The following MPPE1 variants were observed in gnomAD, a reference collection of about 807,000 sequenced individuals.
MPPE1 encodes metallophosphoesterase 1, also known as metallo phosphoesterase.
Under a neutral mutation model 43.8 loss-of-function variants are expected in MPPE1, and 28 were observed. That is an observed-to-expected ratio of 0.64 (90% CI 0.47 to 0.88). The LOEUF (loss-of-function observed/expected upper bound fraction) is 0.88, where lower values mean the gene tolerates loss of function less well. Among genes scored for constraint, MPPE1 ranks in the 40% least tolerant of loss-of-function variants. The pLI is 0.00. For synonymous variants in MPPE1, 159 were observed against 188.5 expected (o/e 0.84, Z 1.28); for missense variants, 428 against 492.2 (o/e 0.87, Z 1.23).
chr18:11,890,222 G>A (rs9955178), intron 4 of MPPE1, among the ~76,000 whole-genome samples: 55,362 of 151,914 alleles, frequency 0.36, 12,505 homozygotes, highest in African/African-American at 0.64. Context: ...GATTACAGGC[G>A]TGAGCCACCA....
At chr18:11,890,409 A>G (rs2037872021) in intron 4 of MPPE1, among the ~76,000 whole-genome samples, 1 of 152,130 alleles carries the variant, frequency 6.6e-6, no homozygotes, top group African/African-American at 2.4e-5. Flanking sequence ...TCCAGTGTTC[A>G]AGTGATTCTT....
In MPPE1 at chr18:11,884,528, C is replaced by T. The variant is rs759150741; in HGVS notation, c.1108G>A (p.Val370Ile). 6.2e-7 allele frequency: 1 copy of T among 1,614,066 alleles called. No individual in the cohort carries two copies. Among genetic ancestry groups the T allele is most frequent in the East Asian group, 2.2e-5 (1 of 44,890 alleles). ...IYCGVVGFLV[V>I]LTLTHFGLLA... The stretch of plus-strand genomic sequence containing the variant: ...AGCCCAAAGTGAGTGAGTGTGAGGA[C>T]CACAAGGAAGCCCACCACTCCACAG... The change falls in exon 11 of 11, where the codon GTC becomes ATC. Residue 370 changes from valine to isoleucine, a missense_variant. Physicochemically the swap from Val to Ile is conservative, Grantham distance 29. Transcript: ENST00000588072.
In MPPE1 at chr18:11,886,468, C is replaced by T; in HGVS notation, c.867+31G>A. On this transcript the variant is annotated intron_variant, in intron 9 of 10. Coordinates refer to ENST00000588072, the MANE Select transcript of MPPE1 (RefSeq NM_023075.6). This position sits in a 1 kb window ranked among gnomAD's most constrained non-coding sequence, Gnocchi z 4.1. ...CAAGGTGATGAGAGTCACACTGTGA[C>T]ATGAATTAGCATCACGACACCCTGG... 1 of 1,614,030 alleles carries T rather than the reference C, an allele frequency of 6.2e-7. No individual in the cohort carries two copies. The highest frequency in any genetic ancestry group is 8.5e-7 in the Non-Finnish European group (1 of 1,180,020).
chr18:11,885,335 A>G (rs753270479), intron 10 of MPPE1: 4 of 296,350 alleles, frequency 1.3e-5, no homozygotes, highest in Non-Finnish European at 2.6e-5. Flanking sequence ...AGAAAATAAG[A>G]GAAGATGGCT....
At chr18:11,907,841 T>C (rs1411100532) in intron 1 of MPPE1, 2 of 152,018 alleles carry the variant, frequency 1.3e-5, no homozygotes, top group Non-Finnish European at 2.9e-5. Context: ...TTCAAAGTTA[T>C]CGTTAAAAAT....
At chr18:11,902,488 A>C (rs1370904766) in intron 2 of MPPE1, 2 of 152,216 alleles carry the variant, frequency 1.3e-5, no homozygotes, top group Non-Finnish European at 2.9e-5. Context: ...ATCTCCTAAA[A>C]TCCTAAAAGC....
In MPPE1 at chr18:11,886,998, C is replaced by G. The variant is rs779483935; in HGVS notation, c.597G>C (p.Leu199=). The G allele has an allele frequency of 2.5e-5, 40 of 1,613,540 alleles. No homozygotes were observed. The highest frequency in any genetic ancestry group is 3.2e-5 in the Non-Finnish European group (38 of 1,179,672). The change falls in exon 7 of 11, where the codon CTG becomes CTC. Residue 199 remains leucine, a synonymous_variant. Transcript: ENST00000588072. The surrounding 1 kb of genome is among the most constrained non-coding windows in gnomAD (Gnocchi z 4.1). ...INFVMVNSVA[L]NGDGCGICSE... ...AGCAGATGCCACAGCCATCCCCGTTCAGCGCCACGCTGTTGACCATCACAA... is the reference window on the plus strand; with the variant it reads ...AGCAGATGCCACAGCCATCCCCGTTGAGCGCCACGCTGTTGACCATCACAA...
chr18:11,889,745 T>C (rs1211469489), intron 4 of MPPE1, among the ~76,000 whole-genome samples: 1 of 151,536 alleles, frequency 6.6e-6, no homozygotes, highest in Non-Finnish European at 1.5e-5. Context: ...TTTGTGTGTG[T>C]GTATTTTTAG....
rs148471755 is a variant in MPPE1, at chr18:11,884,452, G to A, written c.1184C>T (p.Thr395Ile). The change falls in exon 11 of 11, where the codon ACA (threonine) becomes ATA (isoleucine). Residue 395 changes from threonine (T) to isoleucine (I), a missense_variant. Transcript: ENST00000588072. The part of the protein sequence containing the change: ...SGLNLLGKRK[T>I]R ...TATAATGGCGCCTGCTCTTCATCTTGTCTTACGCTTTCCGAGCAAGTTCAA... is the reference window on the plus strand; with the variant it reads ...TATAATGGCGCCTGCTCTTCATCTTATCTTACGCTTTCCGAGCAAGTTCAA... 3.7e-6 allele frequency: 6 copies of A among 1,613,852 alleles called. No individual in the cohort carries two copies. Among genetic ancestry groups the A allele is most frequent in the South Asian group, 1.1e-5 (1 of 91,074 alleles).
chr18:11,893,334 G>A (rs536517928), intron 4 of MPPE1, 134 bp downstream of exon 4: 35 of 600,644 alleles, frequency 5.8e-5, no homozygotes, highest in African/African-American at 2.8e-4. Context: ...AATAGCCTAC[G>A]CATTTTTAAT....
chr18:11,889,697 G>A (rs2037745064), intron 4 of MPPE1, among the ~76,000 whole-genome samples: 1 of 152,012 alleles, frequency 6.6e-6, no homozygotes, highest in Non-Finnish European at 1.5e-5. Context: ...GGAGTAGCTG[G>A]GATTACAGGC....
At chr18:11,900,607 C>A (rs2039044571) in intron 2 of MPPE1, among the ~76,000 whole-genome samples, 1 of 151,920 alleles carries the variant, frequency 6.6e-6, no homozygotes, top group Non-Finnish European at 1.5e-5. Context: ...AACCTTTAAA[C>A]CTTACCTAAA....
intron 1 of MPPE1, among the ~76,000 whole-genome samples, chr18:11,906,786 G>A (rs1030411400): frequency 1.7e-4 from 25 of 151,270 alleles, no homozygotes; most frequent in Admixed American, 3.3e-4. Context: ...TGCGGGAGGC[G>A]GAGGTTGTAG....
chr18:11,886,736 T>C lies in MPPE1; in HGVS notation c.721A>G (p.Thr241Ala), dbSNP rs202068246. ...ACCTGCAGGAGGACAGGGGCAGACG[T>C]GGGCAGCAGAGGCCCAGGTCCACAC... Reference protein sequence around the residue: ...SRCGPGPLLPTSAPVLLQHYP... With the variant: ...SRCGPGPLLPASAPVLLQHYP... Residue 241 changes from threonine (T) to alanine (A), a missense_variant, in exon 8 of 11, where the codon ACG becomes GCG. Physicochemically the swap from Thr to Ala is moderately conservative, Grantham distance 58 (BLOSUM62 0). Transcript: ENST00000588072. The surrounding 1 kb of genome is among the most constrained non-coding windows in gnomAD (Gnocchi z 4.1). 2 of 1,613,292 alleles carry C rather than the reference T, an allele frequency of 1.2e-6. No individual in the cohort carries two copies. The highest frequency in any genetic ancestry group is 1.7e-5 in the Admixed American group (1 of 59,958).
chr18:11,885,664 C>T lies in MPPE1; in HGVS notation c.1008+12G>A, dbSNP rs1209531573. 6.2e-7 allele frequency: 1 copy of T among 1,605,500 alleles called. No homozygotes were observed. The highest frequency in any genetic ancestry group is 8.5e-7 in the Non-Finnish European group (1 of 1,173,618). ...ATGAAAGCTTTCAGACAAAAATAAACTTTCACGTTACCATGATGAAACTGG... is the reference window on the plus strand; with the variant it reads ...ATGAAAGCTTTCAGACAAAAATAAATTTTCACGTTACCATGATGAAACTGG... On this transcript the variant is annotated intron_variant, in intron 10 of 10. Coordinates refer to ENST00000588072, the MANE Select transcript of MPPE1 (RefSeq NM_023075.6).
rs759309469 is a variant in MPPE1, at chr18:11,886,696, T to C, written c.744+17A>G. The C allele has an allele frequency of 1.2e-6, 2 of 1,613,802 alleles. No individual in the cohort carries two copies. The highest frequency in any genetic ancestry group is 1.7e-6 in the Non-Finnish European group (2 of 1,180,000). On this transcript the variant is annotated intron_variant, in intron 8 of 10. Coordinates refer to ENST00000588072, the MANE Select transcript of MPPE1 (RefSeq NM_023075.6). This position sits in a 1 kb window ranked among gnomAD's most constrained non-coding sequence, Gnocchi z 4.1. ...CTGCCTGCTGTCTGCCATGAGCCCT[T>C]TCCTCCCCCAGCTCACCTGCAGGAG...
intron 2 of MPPE1, chr18:11,905,579 C>T (rs1341653112): frequency 2.0e-5 from 3 of 152,102 alleles, no homozygotes; most frequent in Non-Finnish European, 4.4e-5. Flanking sequence ...GGCTTGCTTC[C>T]CAAGGGTATA....
chr18:11,884,682 G>A (rs1021613836), intron 10 of MPPE1, 55 bp from the exon 11 acceptor site: 29 of 1,552,028 alleles, frequency 1.9e-5, no homozygotes, highest in African/African-American at 5.4e-5. Context: ...GTTGAACACC[G>A]CAGTCTTAGA....
chr18:11,887,074 T>C, intron 6 of MPPE1, 49 bp from the exon 7 acceptor site: 1 of 1,370,282 alleles, frequency 7.3e-7, no homozygotes, highest in South Asian at 1.2e-5. Flanking sequence ...ATCAGTGCTT[T>C]CTTTTCCCTA....
Sources: gnomAD v4.1 joint callset for allele counts (sites outside exome capture counted in the v4.1 genomes callset) on GRCh38, gnomAD v4.1.1 for gene constraint, Gnocchi (gnomAD v3.1) non-coding constraint, MANE v1.5 for transcripts, NCBI Gene and HGNC (gene_info 2026-07-23, HGNC 2026-07-21) for gene names.